The following ZFC3H1 variants were observed in gnomAD, a reference collection of about 807,000 sequenced individuals.
The protein encoded by ZFC3H1 is zinc finger C3H1-type containing.
A neutral mutation model predicts 243.7 loss-of-function variants in ZFC3H1; 71 were observed. The ratio of observed to expected loss-of-function variants is 0.29; its 90% CI spans 0.24 to 0.36. The LOEUF is 0.36. Among genes scored for constraint, ZFC3H1 ranks in the 10% least tolerant of loss-of-function variants. The pLI is 1.00. For missense variants in ZFC3H1, 1,966 were observed against 2,317.1 expected (o/e 0.85, Z 3.11); for synonymous variants, 838 against 813.0 (o/e 1.03, Z -0.52).
At position 71,663,668 on chromosome 12, in the gene ZFC3H1, A is replaced by G; in HGVS notation, c.-58T>C. ...CCTCCGTCCGGGGATCCGCCCGACA[A>G]TTGCCTCGTTTCCCTTCTTTCCTAA... On this transcript the variant is annotated 5_prime_UTR_variant, in exon 1 of 35. Coordinates refer to ENST00000378743, the MANE Select transcript of ZFC3H1 (RefSeq NM_144982.5). 6.4e-7 allele frequency: 1 copy of G among 1,552,952 alleles called. No individual in the cohort carries two copies. The highest frequency in any genetic ancestry group is 8.7e-7 in the Non-Finnish European group (1 of 1,148,954).
intron 31 of ZFC3H1, among the ~76,000 whole-genome samples, chr12:71,612,919 T>TTTTAAATGTAGCATACA (rs1879807265): frequency 6.6e-6 from 1 of 152,208 alleles, no homozygotes. Flanking sequence ...GGAATCTACA[T>TTTTAAATGTAGCATACA]TTTAAATGAG....
rs2137508149 is a variant in ZFC3H1 at position 71,609,983 on chromosome 12, G to A, written c.*445C>T. 6.5e-6 allele frequency: 1 copy of A among 152,824 alleles called. No homozygotes were observed. Among genetic ancestry groups the A allele is most frequent in the Admixed American group, 6.5e-5 (1 of 15,292 alleles). 9.5% of individuals were successfully genotyped at this position (152,824 alleles called of 1,614,324 possible). A position where few individuals can be genotyped will look rare whatever the true frequency, so the allele number is the denominator to read the frequency against. ...AAGAATCTCAAAAAAATTTAAAAAG[G>A]AAAAACTAAAAGGGACTGCCTGCTT... On this transcript the variant is annotated 3_prime_UTR_variant, in exon 35 of 35. Coordinates refer to ENST00000378743, the MANE Select transcript of ZFC3H1 (RefSeq NM_144982.5).
chr12:71,614,020 T>C (rs1879836659), intron 30 of ZFC3H1, among the ~76,000 whole-genome samples: 1 of 152,148 alleles, frequency 6.6e-6, no homozygotes, highest in Non-Finnish European at 1.5e-5. Flanking sequence ...CAAAACTATA[T>C]CATTAATTAG....
In ZFC3H1 at chr12:71,626,115, T is replaced by C. The variant is rs1198283640; in HGVS notation, c.4317+145A>G. 4 of 767,448 alleles carry C rather than the reference T, an allele frequency of 5.2e-6. No homozygotes were observed. In the African/African-American group the frequency reaches 5.3e-5, roughly 10 times the overall value. 47.5% of individuals were successfully genotyped at this position (767,448 alleles called of 1,614,324 possible). A position where few individuals can be genotyped will look rare whatever the true frequency, so the allele number is the denominator to read the frequency against. ...GATCCAGAAGTGGCTTTGTGGTTAC[T>C]AGAAACTGAAAGTAAGGTTATTATG... On this transcript the variant is annotated intron_variant, in intron 22 of 34. Coordinates refer to ENST00000378743, the MANE Select transcript of ZFC3H1 (RefSeq NM_144982.5).
chr12:71,631,043 A>C, intron 16 of ZFC3H1, 89 bp from the exon 17 acceptor site: 1 of 1,333,870 alleles, frequency 7.5e-7, no homozygotes, highest in Non-Finnish European at 9.9e-7. Flanking sequence ...TCTCAAGTTA[A>C]AATTTCCATG....
chr12:71,649,067 G>C (rs954229356), intron 2 of ZFC3H1, among the ~76,000 whole-genome samples: 2 of 148,706 alleles, frequency 1.3e-5, no homozygotes, highest in Non-Finnish European at 3.0e-5. Flanking sequence ...CTCCATCCTG[G>C]GTAACAGAGC....
intron 17 of ZFC3H1, 26 bp from the exon 18 acceptor site, chr12:71,630,747 G>T (rs942009551): frequency 6.2e-7 from 1 of 1,604,148 alleles, no homozygotes; most frequent in Non-Finnish European, 8.5e-7. Flanking sequence ...ACACAGAAAA[G>T]ATAATCATGT....
At chr12:71,643,297 CAGCTACTCGGG>C in intron 5 of ZFC3H1, among the ~76,000 whole-genome samples, 1 of 152,036 alleles carries the variant, frequency 6.6e-6, no homozygotes, top group African/African-American at 2.4e-5. Context: ...CCTGTAATCC[CAGCTACTCGGG>C]AGACTGGGGC....
In ZFC3H1 at chr12:71,610,412, T is replaced by C. The variant is rs951067622; in HGVS notation, c.*16A>G. On this transcript the variant is annotated 3_prime_UTR_variant, in exon 35 of 35. Coordinates refer to ENST00000378743, the MANE Select transcript of ZFC3H1 (RefSeq NM_144982.5). ...GGCAATTATTATAAGGACTTAGAACTGACTGCACCCAGTGTTCAGTGATTC... is the reference window on the plus strand; with the variant it reads ...GGCAATTATTATAAGGACTTAGAACCGACTGCACCCAGTGTTCAGTGATTC... 1 of 1,611,134 alleles carries C rather than the reference T, an allele frequency of 6.2e-7. No homozygotes were observed. The highest frequency in any genetic ancestry group is 1.7e-5 in the Admixed American group (1 of 59,570).
chr12:71,655,407 A>G (rs1880991402), intron 2 of ZFC3H1, among the ~76,000 whole-genome samples: 1 of 152,146 alleles, frequency 6.6e-6, no homozygotes, highest in Non-Finnish European at 1.5e-5. Context: ...ATGGCCTAAA[A>G]TGATCTTAAT....
chr12:71,635,397 T>A, intron 10 of ZFC3H1, 46 bp downstream of exon 10: 1 of 1,537,678 alleles, frequency 6.5e-7, no homozygotes. Flanking sequence ...ACTTTACTGA[T>A]CATCAAAAGG....
At chr12:71,611,199 G>GGT in intron 32 of ZFC3H1, 102 bp from the exon 33 acceptor site, 1 of 1,206,278 alleles carries the variant, frequency 8.3e-7, no homozygotes, top group Non-Finnish European at 1.1e-6. Flanking sequence ...TACTGACTGT[G>GGT]GGAATCTGAG....
Position 71,630,589 on chromosome 12 carries a change from T to C in ZFC3H1, c.3724+11A>G. On this transcript the variant is annotated intron_variant, in intron 18 of 34. Coordinates refer to ENST00000378743, the MANE Select transcript of ZFC3H1 (RefSeq NM_144982.5). ...TTTTCATTTGGGAGAGAATAGGAAG[T>C]CTTTAAAAACCTGCTGAAGCAGTAA... is the stretch of plus-strand genomic sequence containing the variant. The C allele has an allele frequency of 6.3e-7, 1 of 1,595,492 alleles. No homozygotes were observed. The highest frequency in any genetic ancestry group is 8.5e-7 in the Non-Finnish European group (1 of 1,175,122).
intron 22 of ZFC3H1, among the ~76,000 whole-genome samples, chr12:71,625,343 A>G (rs1165271447): frequency 6.6e-6 from 1 of 152,198 alleles, no homozygotes; most frequent in East Asian, 1.9e-4. Flanking sequence ...GTTCAGGTGA[A>G]TATTTATTTT....
At position 71,616,635 on chromosome 12, in the gene ZFC3H1, A is replaced by G. The variant is rs1019316452; in HGVS notation, c.5145-1319T>C. Among the ~76,000 whole-genome samples, 6 of 152,216 alleles carry G rather than the reference A, an allele frequency of 3.9e-5. No homozygotes were observed. In the South Asian group the frequency reaches 1.0e-3, roughly 26 times the overall value. ...TGTATGATACTTACCACCATCTTTA[A>G]GAACAATGTTTTTAAAGGAAATACA... On this transcript the variant is annotated intron_variant, in intron 27 of 34. Coordinates refer to ENST00000378743, the MANE Select transcript of ZFC3H1 (RefSeq NM_144982.5).
In ZFC3H1 at chr12:71,636,504, G is replaced by T; in HGVS notation, c.2086C>A (p.Arg696=). The T allele has an allele frequency of 6.2e-7, 1 of 1,603,148 alleles. No homozygotes were observed. The highest frequency in any genetic ancestry group is 8.5e-7 in the Non-Finnish European group (1 of 1,176,320). Residue 696 remains arginine, a synonymous_variant, in exon 9 of 35, where the codon CGA becomes AGA. Transcript: ENST00000378743. The part of the protein sequence containing the change: ...PKFHRGPRLP[R]TVISLPKHKS... ...TTTGTTTTTACCGAGATCACAGTTC[G>T]TGGAAGACGGGGTCCTCTGTGAAAC... is the stretch of plus-strand genomic sequence containing the variant.
At position 71,624,392 on chromosome 12, in the gene ZFC3H1, T is replaced by C. The variant is rs576762517; in HGVS notation, c.4318-100A>G. 57 of 1,260,154 alleles carry C rather than the reference T, an allele frequency of 4.5e-5. No individual in the cohort carries two copies. In the African/African-American group the frequency reaches 6.7e-4, roughly 15 times the overall value. The allele number at this position is 1,260,154 out of a possible 1,614,324, so 78.1% of individuals were successfully genotyped here. A position where few individuals can be genotyped will look rare whatever the true frequency, so the allele number is the denominator to read the frequency against. On this transcript the variant is annotated intron_variant, in intron 22 of 34. Transcript: ENST00000378743. The stretch of plus-strand genomic sequence containing the variant: ...TTAAGAAACCATCTCATAGTAAATC[T>C]TCAACTTCTGCAAAAAGGATTACTG...
At chr12:71,642,598 T>A in intron 5 of ZFC3H1, 39 bp from the exon 6 acceptor site, 2 of 1,573,260 alleles carry the variant, frequency 1.3e-6, no homozygotes, top group Non-Finnish European at 1.7e-6. Context: ...AAGCATTTTC[T>A]GTCTTGGGTT....
At chr12:71,628,823 G>A (rs1880237814) in intron 20 of ZFC3H1, 95 bp downstream of exon 20, 7 of 1,391,474 alleles carry the variant, frequency 5.0e-6, no homozygotes, top group Non-Finnish European at 3.8e-6. Context: ...TTTTTAACCA[G>A]GCAGGCTGAT....
Sources: gnomAD v4.1 joint callset for allele counts (sites outside exome capture counted in the v4.1 genomes callset) on GRCh38, gnomAD v4.1.1 for gene constraint, MANE v1.5 for transcripts, NCBI Gene and HGNC (gene_info 2026-07-23, HGNC 2026-07-21) for gene names.